Variants in CNTN4 observed in about 807,000 individuals in gnomAD.
CNTN4 encodes contactin 4.
Under a neutral mutation model 122.5 loss-of-function variants are expected in CNTN4, and 77 were observed. The observed-to-expected ratio is 0.63, with a 90% CI of 0.52 to 0.76. The LOEUF (loss-of-function observed/expected upper bound fraction) is 0.76, where lower values mean the gene tolerates loss of function less well. Ranked by LOEUF, CNTN4 falls within the 30% of genes least tolerant of loss-of-function variation. The pLI is 0.00. For missense variants in CNTN4, 1,256 were observed against 1,259.1 expected (o/e 1.00, Z 0.04); for synonymous variants, 512 against 447.0 (o/e 1.15, Z -1.83).
At chr3:2,441,454 C>G (rs762810302) in intron 3 of CNTN4, among the ~76,000 whole-genome samples, 21 of 152,150 alleles carry the variant, frequency 1.4e-4, no homozygotes, top group Non-Finnish European at 2.6e-4. Flanking sequence ...CCGAAAGAGA[C>G]TCTTGTTCAT....
chr3:2,643,438 G>A (rs1400090655), intron 4 of CNTN4, among the ~76,000 whole-genome samples: 1 of 152,132 alleles, frequency 6.6e-6, no homozygotes, highest in Non-Finnish European at 1.5e-5. Flanking sequence ...CTCCCAAAGT[G>A]CTGGGTTACA....
At chr3:2,921,970 T>C (rs780004960) in intron 12 of CNTN4, among the ~76,000 whole-genome samples, 2 of 152,168 alleles carry the variant, frequency 1.3e-5, no homozygotes, top group Non-Finnish European at 1.5e-5. Context: ...CTAATAAAGA[T>C]CATTGAAAAA....
chr3:2,362,694 C>G, intron 3 of CNTN4: 2 of 358,820 alleles, frequency 5.6e-6, no homozygotes, highest in Non-Finnish European at 1.1e-5. Context: ...CGTAAATGAC[C>G]TGCACATTCA....
intron 2 of CNTN4, among the ~76,000 whole-genome samples, chr3:2,255,194 G>A (rs1462099000): frequency 6.6e-6 from 1 of 152,164 alleles, no homozygotes; most frequent in African/African-American, 2.4e-5. Flanking sequence ...TCAGCTGGGT[G>A]TAGATGTGTG....
At chr3:2,621,975 A>C (rs973411819) in intron 4 of CNTN4, among the ~76,000 whole-genome samples, 1 of 152,194 alleles carries the variant, frequency 6.6e-6, no homozygotes, top group African/African-American at 2.4e-5. Flanking sequence ...TGTGCTCTGC[A>C]GAACTGCAGC....
intron 13 of CNTN4, among the ~76,000 whole-genome samples, chr3:2,932,853 C>G (rs140738936): frequency 0.023 from 3,454 of 150,692 alleles, 113 homozygotes; most frequent in African/African-American, 0.078. Context: ...GACGGAGTCT[C>G]GCTCTGTCGC....
Position 3,030,994 on chromosome 3 carries a change from ATTG to A in CNTN4, c.1783+25_1783+27del. 1.2e-6 allele frequency: 2 copies of A among 1,613,832 alleles called. No individual in the cohort carries two copies. The highest frequency in any genetic ancestry group is 1.7e-6 in the Non-Finnish European group (2 of 1,179,786). ...GTAAGAGGTACTGGATTTTGTTGTT[ATTG>A]TTGTTCTTGAAATATTTTCATGATA... On this transcript the variant is annotated intron_variant, in intron 16 of 24. Transcript: ENST00000418658.
At chr3:2,294,637 A>G (rs2042242712) in intron 2 of CNTN4, among the ~76,000 whole-genome samples, 1 of 152,032 alleles carries the variant, frequency 6.6e-6, no homozygotes, top group South Asian at 2.1e-4. Flanking sequence ...CAAAAACAAC[A>G]ACAACAACAA....
intron 2 of CNTN4, among the ~76,000 whole-genome samples, chr3:2,300,973 A>G (rs2042494676): frequency 6.6e-6 from 1 of 152,294 alleles, no homozygotes; most frequent in Non-Finnish European, 1.5e-5. Context: ...ATTTACCTGC[A>G]GGAAGTGACA....
intron 2 of CNTN4, among the ~76,000 whole-genome samples, chr3:2,120,742 T>A (rs1423497930): frequency 6.6e-6 from 1 of 151,952 alleles, no homozygotes; most frequent in African/African-American, 2.4e-5. Context: ...CTCTCACGAG[T>A]GTGGACTGCT....
At chr3:2,451,889 T>A (rs530947415) in intron 3 of CNTN4, among the ~76,000 whole-genome samples, 1 of 152,282 alleles carries the variant, frequency 6.6e-6, no homozygotes, top group Non-Finnish European at 1.5e-5. Context: ...CCCATTTATC[T>A]CTTTCCCTCA....
At chr3:2,421,886 T>C (rs1348602144) in intron 3 of CNTN4, among the ~76,000 whole-genome samples, 1 of 152,182 alleles carries the variant, frequency 6.6e-6, no homozygotes, top group Non-Finnish European at 1.5e-5. Context: ...ATTAAATAAT[T>C]TGCTCAACAA....
chr3:2,439,187 T>C (rs966139853), intron 3 of CNTN4, among the ~76,000 whole-genome samples: 1 of 152,220 alleles, frequency 6.6e-6, no homozygotes, highest in African/African-American at 2.4e-5. Context: ...GGACATTAGA[T>C]GTTTCAAAGT....
At chr3:2,646,330 G>A (rs552150054) in intron 4 of CNTN4, among the ~76,000 whole-genome samples, 1 of 152,110 alleles carries the variant, frequency 6.6e-6, no homozygotes, top group Admixed American at 6.5e-5. Flanking sequence ...TTTGTTAGTG[G>A]CCATTTTCAT....
chr3:3,005,887 A>ATTTTTTT lies in CNTN4; in HGVS notation c.1486+17425_1486+17431dup, dbSNP rs10630939. On this transcript the variant is annotated intron_variant, in intron 14 of 24. Transcript: ENST00000418658. Reference sequence around the variant, plus strand: ...ACTCTATCTCAGCACACTGTGTAGAATTTTTTTTTTTTTTTTGAGACGGAT... The same window carrying ATTTTTTT: ...ACTCTATCTCAGCACACTGTGTAGAATTTTTTTTTTTTTTTTTTTTTTTGAGACGGAT... 2.1e-5 allele frequency among the ~76,000 whole-genome samples: 3 copies of ATTTTTTT among 145,332 alleles called. 1 individual carries two copies. Among genetic ancestry groups the ATTTTTTT allele is most frequent in the Non-Finnish European group, 3.0e-5 (2 of 66,660 alleles).
At chr3:2,602,506 AAAAT>A (rs2081089433) in intron 4 of CNTN4, among the ~76,000 whole-genome samples, 2 of 152,340 alleles carry the variant, frequency 1.3e-5, no homozygotes, top group South Asian at 4.1e-4. Flanking sequence ...CAAAGAGAAT[AAAAT>A]ACCTAGGAAT....
chr3:2,561,657 A>C (rs2149429577), intron 3 of CNTN4, among the ~76,000 whole-genome samples: 1 of 152,212 alleles, frequency 6.6e-6, no homozygotes, highest in African/African-American at 2.4e-5. Context: ...TCCTTTCAAC[A>C]ACCCTGTATT....
intron 7 of CNTN4, among the ~76,000 whole-genome samples, chr3:2,840,505 C>T (rs989903574): frequency 8.0e-4 from 108 of 135,018 alleles, no homozygotes; most frequent in Non-Finnish European, 3.5e-4. Context: ...TCGAGACCAT[C>T]CTGGCTAACA....
intron 3 of CNTN4, among the ~76,000 whole-genome samples, chr3:2,362,961 GT>G (rs35946939): frequency 6.6e-6 from 1 of 151,734 alleles, no homozygotes; most frequent in Non-Finnish European, 1.5e-5. Flanking sequence ...ATTACAGACT[GT>G]TTTTTTTCCT....
Sources: allele counts gnomAD v4.1 joint callset (sites outside exome capture counted in the v4.1 genomes callset), GRCh38; gene constraint gnomAD v4.1.1; transcripts MANE v1.5; gene names NCBI Gene and HGNC (gene_info 2026-07-23, HGNC 2026-07-21).